WDR70: variants seen among roughly 807,000 people sequenced by gnomAD.
WDR70 encodes the protein WD repeat domain 70.
Under a neutral mutation model 88.6 loss-of-function variants are expected in WDR70, and 53 were observed. The ratio of observed to expected loss-of-function variants is 0.60; its 90% CI spans 0.48 to 0.75. The LOEUF (loss-of-function observed/expected upper bound fraction) is 0.75, where lower values mean the gene tolerates loss of function less well. Ranked by LOEUF, WDR70 falls within the 30% of genes least tolerant of loss-of-function variation. WDR70 has a pLI of 0.00. For synonymous variants in WDR70, 280 were observed against 270.0 expected (o/e 1.04, Z -0.36); for missense variants, 610 against 823.2 (o/e 0.74, Z 3.17).
chr5:37,415,503 G>A (rs1344471455), intron 5 of WDR70, among the ~76,000 whole-genome samples: 1 of 79,320 alleles, frequency 1.3e-5, no homozygotes, highest in African/African-American at 3.6e-5. Flanking sequence ...CTGGGGGTGG[G>A]GGGGGCCTGA....
At chr5:37,640,291 T>C (rs1745072269) in intron 10 of WDR70, among the ~76,000 whole-genome samples, 1 of 152,192 alleles carries the variant, frequency 6.6e-6, no homozygotes. Context: ...AAACCTGTTG[T>C]TTCAATTTTT....
At chr5:37,695,868 G>A (rs1217584996) in intron 10 of WDR70, among the ~76,000 whole-genome samples, 2 of 152,074 alleles carry the variant, frequency 1.3e-5, no homozygotes, top group Non-Finnish European at 2.9e-5. Flanking sequence ...ATAAAAATTC[G>A]GCTTACCACA....
chr5:37,408,843 C>T (rs1164974627), intron 5 of WDR70, among the ~76,000 whole-genome samples: 1 of 152,048 alleles, frequency 6.6e-6, no homozygotes, highest in Non-Finnish European at 1.5e-5. Context: ...CATTAGCTAC[C>T]TTTCTCCAAA....
At chr5:37,605,295 C>T in intron 10 of WDR70, 57 bp downstream of exon 10, 1 of 1,503,878 alleles carries the variant, frequency 6.6e-7, no homozygotes. Flanking sequence ...TAGAAGATGG[C>T]CACCTTACAA....
At chr5:37,725,703 TAA>T (rs1347563919) in intron 16 of WDR70, among the ~76,000 whole-genome samples, 1 of 152,128 alleles carries the variant, frequency 6.6e-6, no homozygotes, top group Non-Finnish European at 1.5e-5. Flanking sequence ...CCGTCCTAAC[TAA>T]AGTTTCCAAA....
intron 10 of WDR70, among the ~76,000 whole-genome samples, chr5:37,696,426 T>C (rs1339620907): frequency 2.0e-5 from 3 of 152,180 alleles, no homozygotes; most frequent in African/African-American, 7.2e-5. Flanking sequence ...GGGATATTAT[T>C]TGGAGGGCAA....
intron 8 of WDR70, among the ~76,000 whole-genome samples, chr5:37,514,607 C>G (rs10070546): frequency 0.043 from 6,570 of 151,590 alleles, 480 homozygotes; most frequent in African/African-American, 0.15. Flanking sequence ...TCCATGTGTT[C>G]TTATCGTTCA....
intron 10 of WDR70, among the ~76,000 whole-genome samples, chr5:37,655,271 A>G (rs1352107770): frequency 2.0e-5 from 3 of 152,224 alleles, no homozygotes; most frequent in South Asian, 2.1e-4. Flanking sequence ...ATTGGCCCCT[A>G]CTTTCTTTTG....
At position 37,388,734 on chromosome 5, in the gene WDR70, G is replaced by A. The variant is rs1182605572; in HGVS notation, c.176-3266G>A. The stretch of plus-strand genomic sequence containing the variant: ...ACGCCTGGTGACAGAGTGAGACTCC[G>A]TCTCAAAAAAAAAAAACAAAAAGAA... On this transcript the variant is annotated intron_variant, in intron 3 of 17. Transcript: ENST00000265107. Among the ~76,000 whole-genome samples, 9 of 79,616 alleles carry A rather than the reference G, an allele frequency of 1.1e-4. No homozygotes were observed. In the South Asian group the frequency reaches 1.8e-3, roughly 16 times the overall value. 52.2% of individuals were successfully genotyped at this position (79,616 alleles called of 152,430 possible). A position where few individuals can be genotyped will look rare whatever the true frequency, so the allele number is the denominator to read the frequency against.
At chr5:37,525,814 T>G (rs962802792) in intron 9 of WDR70, among the ~76,000 whole-genome samples, 1 of 151,826 alleles carries the variant, frequency 6.6e-6, no homozygotes, top group Non-Finnish European at 1.5e-5. Context: ...ACCACCGATC[T>G]CACAGAAATA....
intron 11 of WDR70, among the ~76,000 whole-genome samples, chr5:37,700,785 G>A (rs985214069): frequency 6.6e-6 from 1 of 152,110 alleles, no homozygotes; most frequent in African/African-American, 2.4e-5. Context: ...ACATCTATCT[G>A]GAAAGTAATT....
At chr5:37,574,976 T>C (rs1348859203) in intron 9 of WDR70, among the ~76,000 whole-genome samples, 1 of 152,210 alleles carries the variant, frequency 6.6e-6, no homozygotes, top group Admixed American at 6.5e-5. Context: ...ATGTGGACTC[T>C]GCAGTGGTAT....
chr5:37,672,602 T>C (rs1430225348), intron 10 of WDR70, among the ~76,000 whole-genome samples: 1 of 152,176 alleles, frequency 6.6e-6, no homozygotes, highest in East Asian at 1.9e-4. Flanking sequence ...TTGAACTTAT[T>C]TGTGACACAG....
At chr5:37,732,830 A>C (rs1473625158) in intron 17 of WDR70, among the ~76,000 whole-genome samples, 1 of 151,960 alleles carries the variant, frequency 6.6e-6, no homozygotes, top group East Asian at 1.9e-4. Flanking sequence ...TCACGTAAAA[A>C]ATTTATTTTA....
intron 17 of WDR70, among the ~76,000 whole-genome samples, chr5:37,752,057 T>A (rs1462960301): frequency 6.6e-6 from 1 of 152,218 alleles, no homozygotes; most frequent in African/African-American, 2.4e-5. Flanking sequence ...ATATTTACAC[T>A]ACTGAAGCCT....
At chr5:37,595,319 T>G (rs1743669325) in intron 9 of WDR70, among the ~76,000 whole-genome samples, 5 of 152,170 alleles carry the variant, frequency 3.3e-5, no homozygotes, top group Non-Finnish European at 7.4e-5. Context: ...CAACAAACAA[T>G]TGTTAATAAA....
chr5:37,573,972 G>T (rs1351293991), intron 9 of WDR70, among the ~76,000 whole-genome samples: 1 of 152,132 alleles, frequency 6.6e-6, no homozygotes, highest in Non-Finnish European at 1.5e-5. Flanking sequence ...CTGAGATGGA[G>T]GTAGGCTGGC....
intron 9 of WDR70, among the ~76,000 whole-genome samples, chr5:37,530,485 A>G (rs746466730): frequency 6.6e-6 from 1 of 151,518 alleles, no homozygotes; most frequent in African/African-American, 2.4e-5. Context: ...CTCGCTGCTT[A>G]TTATTGGTCT....
At chr5:37,503,693 ACTT>A (rs1329834796) in intron 8 of WDR70, among the ~76,000 whole-genome samples, 3 of 151,880 alleles carry the variant, frequency 2.0e-5, no homozygotes, top group Non-Finnish European at 2.9e-5. Context: ...GATTGGCACC[ACTT>A]CTTCTTAGAA....
Sources: allele counts gnomAD v4.1 joint callset (sites outside exome capture counted in the v4.1 genomes callset), GRCh38; gene constraint gnomAD v4.1.1; transcripts MANE v1.5; gene names NCBI Gene and HGNC (gene_info 2026-07-23, HGNC 2026-07-21).